DPP6: variants seen among roughly 807,000 people sequenced by gnomAD.
The protein encoded by DPP6 is dipeptidyl peptidase like 6.
Under a neutral mutation model 122.6 loss-of-function variants are expected in DPP6, and 69 were observed. The ratio of observed to expected loss-of-function variants is 0.56; its 90% CI spans 0.46 to 0.69. The LOEUF (loss-of-function observed/expected upper bound fraction) is 0.69, where lower values mean the gene tolerates loss of function less well. Among genes scored for constraint, DPP6 ranks in the 30% least tolerant of loss-of-function variants. The pLI, the probability that DPP6 is intolerant of heterozygous loss-of-function variation, is 0.00. For synonymous variants in DPP6, 418 were observed against 433.1 expected (o/e 0.97, Z 0.43); for missense variants, 928 against 1,116.9 (o/e 0.83, Z 2.41).
the DPP6 span, among the ~76,000 whole-genome samples, chr7:153,760,915 G>T: frequency 6.6e-6 from 1 of 151,666 alleles, no homozygotes; most frequent in African/African-American, 2.4e-5. Flanking sequence ...CTCTCTTTCC[G>T]TGTTGCTTGC....
At chr7:153,958,178 A>C (rs973499673) in intron 1 of DPP6, among the ~76,000 whole-genome samples, 3 of 151,948 alleles carry the variant, frequency 2.0e-5, no homozygotes, top group Admixed American at 6.6e-5. Context: ...ACAAACAAAA[A>C]AACAAGCAGA....
chr7:154,388,775 G>C (rs1224975426), intron 1 of DPP6, among the ~76,000 whole-genome samples: 1 of 152,098 alleles, frequency 6.6e-6, no homozygotes, highest in African/African-American at 2.4e-5. Flanking sequence ...GAGAACTGTG[G>C]GTTTATGCCT....
intron 1 of DPP6, among the ~76,000 whole-genome samples, chr7:154,129,873 C>T (rs984955051): frequency 6.7e-6 from 1 of 150,032 alleles, no homozygotes; most frequent in Non-Finnish European, 1.5e-5. Context: ...GCACTCCAGC[C>T]TGGGTGACAG....
intron 1 of DPP6, among the ~76,000 whole-genome samples, chr7:154,222,661 T>C (rs1800372507): frequency 6.7e-6 from 1 of 148,866 alleles, no homozygotes; most frequent in African/African-American, 2.6e-5. Context: ...GTCTCAAAAA[T>C]AAATAAAATA....
intron 1 of DPP6, among the ~76,000 whole-genome samples, chr7:153,998,705 A>G (rs1277200607): frequency 6.6e-6 from 1 of 152,226 alleles, no homozygotes; most frequent in African/African-American, 2.4e-5. Context: ...TGTAAGTGAC[A>G]TCTACCCACT....
chr7:154,646,306 G>C (rs1299806017), intron 6 of DPP6, among the ~76,000 whole-genome samples: 2 of 152,144 alleles, frequency 1.3e-5, no homozygotes, highest in Non-Finnish European at 2.9e-5. Flanking sequence ...CCATCCGGCT[G>C]TGTAAGAATG....
chr7:154,815,828 A>G lies in DPP6; in HGVS notation c.1666+8716A>G, dbSNP rs138192472. On this transcript the variant is annotated intron_variant, in intron 16 of 25. Coordinates refer to ENST00000377770, the MANE Select transcript of DPP6 (RefSeq NM_130797.4). ...ATTAGGGAGCTACTTTCCAGACTTT[A>G]AGAAGTTTGGTCTTAGACTTAGCAG... Among the ~76,000 whole-genome samples, 293 of 152,294 alleles carry G rather than the reference A, an allele frequency of 1.9e-3. 1 individual carries two copies. Among genetic ancestry groups the G allele is most frequent in the African/African-American group, 6.8e-3 (281 of 41,558 alleles).
At chr7:153,773,330 ATT>A in the DPP6 span, among the ~76,000 whole-genome samples, 2 of 139,956 alleles carry the variant, frequency 1.4e-5, no homozygotes, top group South Asian at 4.5e-4. Flanking sequence ...ATATATATAT[ATT>A]TTTTTTTAAA....
At chr7:154,218,568 G>A (rs1399659891) in intron 1 of DPP6, among the ~76,000 whole-genome samples, 1 of 152,142 alleles carries the variant, frequency 6.6e-6, no homozygotes, top group Admixed American at 6.5e-5. Context: ...GGCTCTTTGT[G>A]TATGATCACA....
At chr7:153,998,343 C>T (rs141787569) in intron 1 of DPP6, among the ~76,000 whole-genome samples, 6 of 152,156 alleles carry the variant, frequency 3.9e-5, no homozygotes, top group African/African-American at 1.4e-4. Flanking sequence ...ATGCAGTAAT[C>T]GAATAAATCC....
At chr7:154,011,394 T>G (rs1798148737) in intron 1 of DPP6, among the ~76,000 whole-genome samples, 1 of 152,190 alleles carries the variant, frequency 6.6e-6, no homozygotes, top group Non-Finnish European at 1.5e-5. Context: ...GCACTAACAC[T>G]CTGAGTGAAC....
At chr7:154,746,087 A>T (rs1176057375) in intron 8 of DPP6, among the ~76,000 whole-genome samples, 1 of 152,200 alleles carries the variant, frequency 6.6e-6, no homozygotes, top group Non-Finnish European at 1.5e-5. Flanking sequence ...CTGTAGAAAG[A>T]CTAAGTTCAG....
chr7:154,706,199 C>T (rs1840820136), intron 7 of DPP6, among the ~76,000 whole-genome samples: 3 of 152,232 alleles, frequency 2.0e-5, no homozygotes, highest in Admixed American at 2.0e-4. Flanking sequence ...TATCCTCTCA[C>T]CGCCTGCCTT....
chr7:154,160,248 C>A (rs901458269), intron 1 of DPP6, among the ~76,000 whole-genome samples: 2 of 152,062 alleles, frequency 1.3e-5, no homozygotes, highest in African/African-American at 4.8e-5. Context: ...TGAGTTCCTC[C>A]ATCCTGAATC....
intron 22 of DPP6, 22 bp downstream of exon 22, chr7:154,885,766 AGC>A: frequency 6.4e-7 from 1 of 1,564,488 alleles, no homozygotes; most frequent in Non-Finnish European, 8.7e-7. Context: ...TGCAGGACCA[AGC>A]GACGGGCTCT....
chr7:154,015,784 C>T (rs1211075404), intron 1 of DPP6, among the ~76,000 whole-genome samples: 1 of 152,136 alleles, frequency 6.6e-6, no homozygotes, highest in African/African-American at 2.4e-5. Context: ...ACTGGAATCT[C>T]TGAAGTCACT....
At chr7:154,575,629 T>C (rs1831607836) in intron 5 of DPP6, among the ~76,000 whole-genome samples, 1 of 139,276 alleles carries the variant, frequency 7.2e-6, no homozygotes, top group African/African-American at 2.7e-5. Flanking sequence ...GTGGTGTGTG[T>C]GTGGTGTGTG....
intron 6 of DPP6, among the ~76,000 whole-genome samples, chr7:154,654,457 T>C (rs7797271): frequency 0.78 from 108,780 of 138,596 alleles, 44,737 homozygotes; most frequent in South Asian, 0.9. Context: ...CTCGCCCTAT[T>C]GCCCAGGCTG....
At chr7:154,355,046 G>A (rs1329391679) in intron 1 of DPP6, among the ~76,000 whole-genome samples, 1 of 152,112 alleles carries the variant, frequency 6.6e-6, no homozygotes, top group Non-Finnish European at 1.5e-5. Context: ...GGTGGTGGTG[G>A]TGTTTTTACC....
Sources: allele counts gnomAD v4.1 joint callset (sites outside exome capture counted in the v4.1 genomes callset), GRCh38; gene constraint gnomAD v4.1.1; transcripts MANE v1.5; gene names NCBI Gene and HGNC (gene_info 2026-07-23, HGNC 2026-07-21).